Variants in MYL5 observed in about 807,000 individuals in gnomAD.
The protein encoded by MYL5 is myosin regulatory light chain 5.
MYL5 carries 28 observed loss-of-function variants against 20.8 expected under a neutral mutation model. That is an observed-to-expected ratio of 1.35 (90% CI 1.00 to 1.84). The LOEUF (loss-of-function observed/expected upper bound fraction) is 1.84, where lower values mean the gene tolerates loss of function less well. Ranked by LOEUF, MYL5 falls within the 40% of genes most tolerant of loss-of-function variation. The pLI is 0.00. For missense variants in MYL5, 274 were observed against 227.3 expected (o/e 1.21, Z -1.32); for synonymous variants, 118 against 87.4 (o/e 1.35, Z -1.95).
rs569151393 is a variant in MYL5 at position 679,636 on chromosome 4, C to T, written c.188-278C>T. ...GTGACCCACCTTCCTCTCGGCCCTGCTTATGCCCAGAATTAAGAACAGCAG... is the reference window on the plus strand; with the variant it reads ...GTGACCCACCTTCCTCTCGGCCCTGTTTATGCCCAGAATTAAGAACAGCAG... On this transcript the variant is annotated intron_variant, in intron 3 of 6. Coordinates refer to ENST00000400159, the Ensembl canonical transcript of MYL5. 2.0e-5 allele frequency among the ~76,000 whole-genome samples: 3 copies of T among 152,290 alleles called. No homozygotes were observed. The South Asian group carries it at 6.2e-4, about 32-fold the overall frequency.
intron 5 of MYL5, 189 bp from the exon 8 acceptor site, chr4:680,903 C>G: frequency 1.5e-6 from 1 of 686,124 alleles, no homozygotes. Flanking sequence ...TCCCCATCAG[C>G]GGCTCCCCCA....
At position 680,020 on chromosome 4, in the gene MYL5, T is replaced by C. The variant is rs1340525953; in HGVS notation, c.292+2T>C. 3 of 1,609,168 alleles carry C rather than the reference T, an allele frequency of 1.9e-6. No individual in the cohort carries two copies. The South Asian group carries it at 3.3e-5, about 18-fold the overall frequency. ...ACCTGTTTGGGGAGAAGCTGAGCGG[T>C]GAGCACCGGTGGGGCAGGCCTGGCC... On this transcript the variant is annotated splice_donor_variant, in intron 4 of 6. Transcript: ENST00000400159. LOFTEE classifies it high-confidence loss of function.
chr4:681,508 C>T (rs1483695369), intron 6 of MYL5, among the ~76,000 whole-genome samples: 1 of 149,978 alleles, frequency 6.7e-6, no homozygotes, highest in Non-Finnish European at 1.5e-5. Flanking sequence ...TCAGGACCCC[C>T]GCACCTCCCC....
At chr4:678,102 C>A (rs1277728681) in intron 1 of MYL5, 73 bp downstream of exon 3, 1 of 1,587,412 alleles carries the variant, frequency 6.3e-7, no homozygotes, top group Non-Finnish European at 8.5e-7. Context: ...TACATGCGCA[C>A]AGACGAGCGT....
At chr4:680,424 A>AG in intron 4 of MYL5, 85 bp from the exon 7 acceptor site, 1 of 1,363,980 alleles carries the variant, frequency 7.3e-7, no homozygotes, top group East Asian at 2.3e-5. Context: ...TGCTTGGGGC[A>AG]GGGGTCTCCC....
At chr4:679,099 A>G (rs762367005) in intron 3 of MYL5, 66 bp downstream of exon 5, 23 of 1,330,806 alleles carry the variant, frequency 1.7e-5, no homozygotes, top group Non-Finnish European at 2.0e-5. Flanking sequence ...CTCCAGCTCC[A>G]GACGCCGCGG....
At chr4:678,798 C>G (rs761355066) in intron 2 of MYL5, 33 bp downstream of exon 4, 1 of 1,607,726 alleles carries the variant, frequency 6.2e-7, no homozygotes, top group South Asian at 1.1e-5. Flanking sequence ...GGAGCCCCCA[C>G]CCCCAGGAGC....
At chr4:677,063 T>C (rs1261667282), upstream of MYL5, among the ~76,000 whole-genome samples, 1 of 152,194 alleles carries the variant, frequency 6.6e-6, no homozygotes, top group Non-Finnish European at 1.5e-5. Context: ...CCACCTGCTG[T>C]TGTGGCTGCA....
upstream of MYL5, chr4:676,049 C>T (rs1738809414): frequency 6.6e-6 from 1 of 152,256 alleles, no homozygotes; most frequent in South Asian, 2.1e-4. Flanking sequence ...CTGCCTGAGG[C>T]CTCTGCCTGA....
At chr4:681,802 C>T in intron 6 of MYL5, 91 bp from the exon 9 acceptor site, 2 of 1,245,438 alleles carry the variant, frequency 1.6e-6, no homozygotes, top group Non-Finnish European at 2.0e-6. Flanking sequence ...CCCCCTCCCG[C>T]GGCGCAGAAA....
At chr4:674,575 C>G, upstream of MYL5, 1 of 422,124 alleles carries the variant, frequency 2.4e-6, no homozygotes, top group Non-Finnish European at 4.3e-6. Context: ...CGCTGTTTCC[C>G]CGCGCTGCTG....
Position 681,921 on chromosome 4 carries a change from T to TCGATGTGG in MYL5, c.452_459dup (p.Gly154MetfsTer14). The TCGATGTGG allele has an allele frequency of 7.6e-7, 1 of 1,320,972 alleles. No homozygotes were observed. The highest frequency in any genetic ancestry group is 2.8e-5 in the East Asian group (1 of 35,612). 81.8% of individuals were successfully genotyped at this position (1,320,972 alleles called of 1,614,324 possible). ...GACCAGATGTTCCAGTTCGCCTCCA[T>TCGATGTGG]CGATGTGGCGGGCAACCTGGACTAC... On this transcript the variant is annotated frameshift_variant, in exon 7 of 7. Coordinates refer to ENST00000400159, the Ensembl canonical transcript of MYL5. LOFTEE classifies it low-confidence loss of function (END_TRUNC).
At chr4:677,300 C>T (rs1055815153), upstream of MYL5, among the ~76,000 whole-genome samples, 11 of 152,228 alleles carry the variant, frequency 7.2e-5, no homozygotes, top group Non-Finnish European at 1.0e-4. Context: ...TGTCTGACAC[C>T]ACCAACAGAC....
chr4:674,809 TCTC>T (rs1306889308), upstream of MYL5: 5 of 155,648 alleles, frequency 3.2e-5, no homozygotes, highest in Admixed American at 2.0e-4. Flanking sequence ...GGCAGGTCCT[TCTC>T]CTACAAGGCA....
intron 6 of MYL5, 21 bp downstream of exon 8, chr4:681,161 G>T (rs372694129): frequency 1.4e-5 from 23 of 1,598,678 alleles, no homozygotes; most frequent in Non-Finnish European, 1.9e-5. Context: ...CGGCTTCCCT[G>T]CCAAGCCCAC....
chr4:682,008 C>A, exon 7 of MYL5: 1 of 1,425,704 alleles, frequency 7.0e-7, no homozygotes, highest in Admixed American at 2.5e-5. Context: ...CCAGCCGGGT[C>A]AATAAACCTG....
At chr4:677,959 A>G in exon 1 of MYL5, 1 of 1,612,844 alleles carries the variant, frequency 6.2e-7, no homozygotes, top group South Asian at 1.1e-5. Context: ...CTGGGGGACC[A>G]AGCAGGAGCT....
chr4:681,560 G>A (rs1739547757), intron 6 of MYL5, among the ~76,000 whole-genome samples: 1 of 147,010 alleles, frequency 6.8e-6, no homozygotes, highest in South Asian at 2.2e-4. Context: ...GAAGGGCCGA[G>A]CCCGACACGT....
chr4:680,060 C>T (rs376589699), intron 4 of MYL5, 42 bp downstream of exon 6: 9 of 1,477,478 alleles, frequency 6.1e-6, no homozygotes, highest in African/African-American at 2.8e-5. Context: ...TAGCTAATTC[C>T]TAACAGTTAG....
Sources: allele counts gnomAD v4.1 joint callset (sites outside exome capture counted in the v4.1 genomes callset), GRCh38; gene constraint gnomAD v4.1.1; transcripts MANE v1.5; gene names NCBI Gene and HGNC (gene_info 2026-07-23, HGNC 2026-07-21).